The following IL5RA variants were observed in gnomAD, a reference collection of about 807,000 sequenced individuals.
IL5RA encodes the protein interleukin 5 receptor subunit alpha, also known as interleukin-5 receptor subunit alpha.
Under a neutral mutation model 50.0 loss-of-function variants are expected in IL5RA, and 49 were observed. That is an observed-to-expected ratio of 0.98 (90% CI 0.78 to 1.24). The LOEUF is 1.24. IL5RA is among the 50% of genes most tolerant of loss of function. IL5RA has a pLI of 0.00. For missense variants in IL5RA, 600 were observed against 500.4 expected (o/e 1.20, Z -1.90); for synonymous variants, 202 against 174.0 (o/e 1.16, Z -1.26).
intron 5 of IL5RA, 45 bp from the exon 6 acceptor site, chr3:3,098,335 C>G: frequency 6.5e-7 from 1 of 1,545,010 alleles, no homozygotes; most frequent in South Asian, 1.1e-5. Flanking sequence ...CCATGGCAAA[C>G]TCTGAATTTC....
intron 10 of IL5RA, among the ~76,000 whole-genome samples, chr3:3,075,113 T>C (rs553122981): frequency 6.6e-6 from 1 of 151,730 alleles, no homozygotes; most frequent in East Asian, 1.9e-4. Context: ...TTACCAGGCC[T>C]AATATCTGAA....
intron 9 of IL5RA, among the ~76,000 whole-genome samples, 187 bp from the exon 10 acceptor site, chr3:3,076,814 A>G (rs17882210): frequency 0.38 from 57,041 of 152,070 alleles, 10,912 homozygotes; most frequent in Middle Eastern, 0.44. Flanking sequence ...GGTAACAGCC[A>G]TCTCACAAAG....
chr3:3,083,592 C>T (rs1314115718), intron 9 of IL5RA, among the ~76,000 whole-genome samples: 1 of 152,324 alleles, frequency 6.6e-6, no homozygotes, highest in East Asian at 1.9e-4. Flanking sequence ...GGCTTTCCCA[C>T]AAAGCACCAA....
At chr3:3,091,970 A>C (rs1703132093) in intron 9 of IL5RA, 1 of 1,210,156 alleles carries the variant, frequency 8.3e-7, no homozygotes, top group South Asian at 4.0e-5. Context: ...ATAGAAGTAG[A>C]AACAAAACTT....
At chr3:3,100,283 A>G (rs938605401) in intron 5 of IL5RA, among the ~76,000 whole-genome samples, 1 of 152,230 alleles carries the variant, frequency 6.6e-6, no homozygotes, top group African/African-American at 2.4e-5. Flanking sequence ...GAGGGAGAAG[A>G]TGATGAGAGA....
At chr3:3,086,983 T>C (rs1263830792) in intron 9 of IL5RA, among the ~76,000 whole-genome samples, 10 of 152,154 alleles carry the variant, frequency 6.6e-5, no homozygotes, top group Non-Finnish European at 1.5e-4. Context: ...AAATACCATA[T>C]GTTCTCACTT....
intron 3 of IL5RA, 31 bp from the exon 4 acceptor site, chr3:3,102,851 A>G (rs181066119): frequency 1.7e-4 from 271 of 1,582,454 alleles, no homozygotes; most frequent in Non-Finnish European, 5.5e-5. Flanking sequence ...GAAACAACAC[A>G]ATGTTCAACT....
In IL5RA at chr3:3,066,795, G is replaced by C. The variant is rs1702146377; in HGVS notation, c.*3430C>G. ...TGAGGCATTTCAATGAGGCTCAGGTGGTCGGGCTGTTGGCAAATGTGACCT... is the reference window on the plus strand; with the variant it reads ...TGAGGCATTTCAATGAGGCTCAGGTCGTCGGGCTGTTGGCAAATGTGACCT... On this transcript the variant is annotated 3_prime_UTR_variant, in exon 12 of 12. Coordinates refer to ENST00000446632, the MANE Select transcript of IL5RA (RefSeq NM_175726.4). 6.6e-6 allele frequency: 1 copy of C among 152,224 alleles called. No individual in the cohort carries two copies. Among genetic ancestry groups the C allele is most frequent in the South Asian group, 2.1e-4 (1 of 4,818 alleles). The allele number at this position is 152,224 out of a possible 1,614,324, so 9.4% of individuals were successfully genotyped here.
chr3:3,098,097 AAC>A, intron 6 of IL5RA, 38 bp downstream of exon 6: 1 of 1,613,824 alleles, frequency 6.2e-7, no homozygotes, highest in East Asian at 2.2e-5. Flanking sequence ...GGTTGCAGGA[AAC>A]AACCATTTGC....
At chr3:3,101,584 A>G (rs560456199) in intron 5 of IL5RA, 108 bp downstream of exon 5, 2 of 1,118,454 alleles carry the variant, frequency 1.8e-6, no homozygotes, top group Non-Finnish European at 2.6e-6. Context: ...AGTACTTGAG[A>G]AGAACGGGTG....
intron 10 of IL5RA, among the ~76,000 whole-genome samples, chr3:3,075,933 C>T (rs1702466562): frequency 6.6e-6 from 1 of 152,076 alleles, no homozygotes; most frequent in Non-Finnish European, 1.5e-5. Context: ...TATGAAAGGG[C>T]CAAGACAAAA....
chr3:3,083,495 A>G lies in IL5RA; in HGVS notation c.995-6868T>C, dbSNP rs143607473. On this transcript the variant is annotated intron_variant, in intron 9 of 11. Coordinates refer to ENST00000446632, the MANE Select transcript of IL5RA (RefSeq NM_175726.4). Reference sequence around the variant, plus strand: ...CAGGATCAGCTGGATGGCTCACTGCAGTACTGCTTGTCTGCAATATCCCCC... The same window carrying G: ...CAGGATCAGCTGGATGGCTCACTGCGGTACTGCTTGTCTGCAATATCCCCC... 1.0e-3 allele frequency among the ~76,000 whole-genome samples: 155 copies of G among 152,316 alleles called. 2 individuals carry two copies. Among genetic ancestry groups the G allele is most frequent in the African/African-American group, 3.5e-3 (146 of 41,576 alleles).
At chr3:3,073,005 A>C (rs1192748043) in intron 11 of IL5RA, among the ~76,000 whole-genome samples, 1 of 152,066 alleles carries the variant, frequency 6.6e-6, no homozygotes, top group Non-Finnish European at 1.5e-5. Flanking sequence ...CCAAAGCTCC[A>C]CCCTGGGGCC....
At chr3:3,074,686 C>G in intron 11 of IL5RA, 96 bp downstream of exon 11, 1 of 673,146 alleles carries the variant, frequency 1.5e-6, no homozygotes, top group South Asian at 1.9e-5. Context: ...AGTAAAAACC[C>G]TGCCTTATAA....
intron 8 of IL5RA, among the ~76,000 whole-genome samples, chr3:3,093,539 A>G (rs1703226491): frequency 6.6e-6 from 1 of 152,244 alleles, no homozygotes; most frequent in Admixed American, 6.5e-5. Flanking sequence ...TAGACATTAT[A>G]AAAACACACG....
At chr3:3,093,327 A>G (rs542980971) in intron 8 of IL5RA, among the ~76,000 whole-genome samples, 3 of 152,338 alleles carry the variant, frequency 2.0e-5, no homozygotes, top group South Asian at 4.1e-4. Flanking sequence ...CAAGTCAGGA[A>G]CTATTTATTA....
At chr3:3,086,848 T>C (rs1427442303) in intron 9 of IL5RA, among the ~76,000 whole-genome samples, 1 of 152,092 alleles carries the variant, frequency 6.6e-6, no homozygotes, top group African/African-American at 2.4e-5. Flanking sequence ...ATAAAGAAAA[T>C]GTGGTAAACA....
chr3:3,107,629 T>A (rs1703990545), intron 2 of IL5RA, among the ~76,000 whole-genome samples: 1 of 96,358 alleles, frequency 1.0e-5, no homozygotes, highest in Non-Finnish European at 2.5e-5. Flanking sequence ...AACTATAGGT[T>A]GTTTATCTAT....
At chr3:3,105,887 A>G (rs1703898059) in intron 2 of IL5RA, among the ~76,000 whole-genome samples, 1 of 152,174 alleles carries the variant, frequency 6.6e-6, no homozygotes, top group South Asian at 2.1e-4. Flanking sequence ...CACATTTTGA[A>G]AGGCATATTT....
Sources: gnomAD v4.1 joint callset for allele counts (sites outside exome capture counted in the v4.1 genomes callset) on GRCh38, gnomAD v4.1.1 for gene constraint, MANE v1.5 for transcripts, NCBI Gene and HGNC (gene_info 2026-07-23, HGNC 2026-07-21) for gene names.